The following ERO1A variants were observed in gnomAD, a reference collection of about 807,000 sequenced individuals.
The protein encoded by ERO1A is endoplasmic reticulum oxidoreductase 1 alpha.
In ERO1A, 49 loss-of-function variants were observed where a neutral mutation model predicts 76.9. That is an observed-to-expected ratio of 0.64 (90% confidence interval 0.51 to 0.81). The LOEUF (loss-of-function observed/expected upper bound fraction) is 0.81. Ranked by LOEUF, ERO1A falls within the 30% of genes least tolerant of loss-of-function variation. The pLI, the probability that ERO1A is intolerant of heterozygous loss-of-function variation, is 0.00. For missense variants in ERO1A, 448 were observed against 542.1 expected, an observed-to-expected ratio of 0.83 and a Z score of 1.72; for synonymous variants, 174 against 181.2, an observed-to-expected ratio of 0.96 and a Z score of 0.32.
intron 1 of ERO1A, among the ~76,000 whole-genome samples, 183 bp downstream of exon 1, chr14:52,695,185 T>C (rs1434919627): frequency 6.6e-6 from 1 of 152,096 alleles, no homozygotes; most frequent in African/African-American, 2.4e-5. Flanking sequence ...CAGGCTGCCG[T>C]GGAGGCCCGG....
intron 11 of ERO1A, 100 bp from the exon 12 acceptor site, chr14:52,653,415 C>T: frequency 3.3e-6 from 3 of 920,570 alleles, no homozygotes; most frequent in Non-Finnish European, 4.6e-6. Flanking sequence ...TTTCATTTTG[C>T]ATTTTAAGTT....
chr14:52,661,188 T>C (rs984571794), intron 9 of ERO1A, 105 bp downstream of exon 9: 11 of 415,228 alleles, frequency 2.6e-5, no homozygotes, highest in Non-Finnish European at 4.7e-5. Context: ...AAACTTAAGT[T>C]CTTCTGATTT....
chr14:52,653,243 T>A lies in ERO1A; in HGVS notation c.881A>T (p.Glu294Val), dbSNP rs781088934. ...CTTAAGCCTTCTTGGACCTTCTCCT[T>A]CAGTCAAAATTCCATCAAATCGCTG... is the stretch of plus-strand genomic sequence containing the variant. ...FQQRFDGILT[E>V]GEGPRRLKNL... The change falls in exon 12 of 16, where the codon GAA (glutamate) becomes GTA (valine). Residue 294 changes from glutamate to valine, a missense_variant. Coordinates refer to ENST00000395686, the MANE Select transcript of ERO1A (RefSeq NM_014584.3). The A allele has an allele frequency of 6.2e-7, 1 of 1,612,452 alleles. No individual in the cohort carries two copies. Among genetic ancestry groups the A allele is most frequent in the Non-Finnish European group, 8.5e-7 (1 of 1,178,844 alleles).
chr14:52,652,008 T>TA (rs1252096728), intron 13 of ERO1A, among the ~76,000 whole-genome samples: 104 of 150,178 alleles, frequency 6.9e-4, no homozygotes, highest in African/African-American at 2.4e-3. Flanking sequence ...TTTTTTTTTT[T>TA]AATTAAAGAC....
intron 8 of ERO1A, among the ~76,000 whole-genome samples, chr14:52,663,467 G>A (rs1205426365): frequency 6.6e-6 from 1 of 151,684 alleles, no homozygotes; most frequent in Non-Finnish European, 1.5e-5. Context: ...GGGCGTTGTG[G>A]CGGGCGCCTG....
intron 4 of ERO1A, among the ~76,000 whole-genome samples, chr14:52,675,104 C>A (rs1047173112): frequency 6.6e-6 from 1 of 152,014 alleles, no homozygotes; most frequent in East Asian, 1.9e-4. Context: ...GGAATCTAGG[C>A]CGGGCACGGT....
At chr14:52,660,714 G>A (rs1276378577) in intron 9 of ERO1A, among the ~76,000 whole-genome samples, 2 of 152,200 alleles carry the variant, frequency 1.3e-5, no homozygotes, top group African/African-American at 4.8e-5. Flanking sequence ...ATTTCACCTA[G>A]ATAGACTAAA....
chr14:52,666,560 A>T (rs1308806487), intron 6 of ERO1A, 65 bp from the exon 7 acceptor site: 1 of 1,388,968 alleles, frequency 7.2e-7, no homozygotes, highest in Non-Finnish European at 9.9e-7. Flanking sequence ...CTACTACACA[A>T]GACTGTATTC....
chr14:52,685,879 G>A (rs1365961873), intron 1 of ERO1A, among the ~76,000 whole-genome samples: 1 of 152,122 alleles, frequency 6.6e-6, no homozygotes, highest in Non-Finnish European at 1.5e-5. Context: ...GCCCACTAAA[G>A]TATAAAATCC....
chr14:52,668,333 G>A (rs1469799080), intron 6 of ERO1A, among the ~76,000 whole-genome samples: 1 of 151,978 alleles, frequency 6.6e-6, no homozygotes, highest in Admixed American at 6.6e-5. Context: ...ATCACATGAA[G>A]TCAGGAGTTC....
intron 11 of ERO1A, among the ~76,000 whole-genome samples, chr14:52,656,224 A>G (rs1018678504): frequency 6.6e-6 from 1 of 152,170 alleles, no homozygotes; most frequent in Non-Finnish European, 1.5e-5. Context: ...TCCCTTTGTA[A>G]GTGAAATCAT....
intron 13 of ERO1A, among the ~76,000 whole-genome samples, chr14:52,650,411 A>G (rs1294469308): frequency 1.3e-5 from 2 of 151,650 alleles, no homozygotes; most frequent in Non-Finnish European, 2.9e-5. Flanking sequence ...CCTGTTCAGT[A>G]AGAGGTACTA....
At chr14:52,659,611 T>C (rs766855784) in intron 9 of ERO1A, among the ~76,000 whole-genome samples, 30 of 152,066 alleles carry the variant, frequency 2.0e-4, no homozygotes, top group Non-Finnish European at 4.1e-4. Flanking sequence ...TATTTGTAAA[T>C]TGCTTAGAAA....
intron 9 of ERO1A, 72 bp from the exon 10 acceptor site, chr14:52,658,222 GC>G: frequency 9.5e-7 from 1 of 1,057,940 alleles, no homozygotes; most frequent in Non-Finnish European, 1.4e-6. Context: ...AAGTTTTAAA[GC>G]ATTATAGCAA....
intron 11 of ERO1A, among the ~76,000 whole-genome samples, chr14:52,656,481 C>T (rs181471316): frequency 3.4e-4 from 51 of 152,078 alleles, no homozygotes; most frequent in African/African-American, 1.2e-3. Flanking sequence ...GAGGCCAAGG[C>T]GGGTGGATCA....
At chr14:52,658,366 T>TAAA in intron 9 of ERO1A, 3 of 500,198 alleles carry the variant, frequency 6.0e-6, no homozygotes, top group Non-Finnish European at 1.1e-5. Context: ...TAAAAGGCTT[T>TAAA]AGCATTGCCT....
At chr14:52,665,539 T>C (rs2040385347) in intron 7 of ERO1A, among the ~76,000 whole-genome samples, 1 of 151,986 alleles carries the variant, frequency 6.6e-6, no homozygotes, top group South Asian at 2.1e-4. Context: ...AAGTGAAATA[T>C]ATAATATTAT....
At position 52,640,042 on chromosome 14, in the gene ERO1A, A is replaced by G. The variant is rs2039420524; in HGVS notation, c.*3528T>C. 2.0e-5 allele frequency: 3 copies of G among 152,240 alleles called. No individual in the cohort carries two copies. In the South Asian group the frequency reaches 6.2e-4, roughly 31 times the overall value. The allele number at this position is 152,240 out of a possible 1,614,324, so 9.4% of individuals were successfully genotyped here. A position where few individuals can be genotyped will look rare whatever the true frequency, so the allele number is the denominator to read the frequency against. On this transcript the variant is annotated 3_prime_UTR_variant, in exon 16 of 16. Transcript: ENST00000395686. ...AGGTAGGACCTCTAATATAATAAAG[A>G]TGTCACTTTAAAATCAATTTATTCA...
chr14:52,641,458 A>AAT lies in ERO1A; in HGVS notation c.*2111_*2112insAT, dbSNP rs1374243303. 6.6e-6 allele frequency: 1 copy of AAT among 151,726 alleles called. No homozygotes were observed. The highest frequency in any genetic ancestry group is 1.5e-5 in the Non-Finnish European group (1 of 68,224). The allele number at this position is 151,726 out of a possible 1,614,324, so 9.4% of individuals were successfully genotyped here. On this transcript the variant is annotated 3_prime_UTR_variant, in exon 16 of 16. Transcript: ENST00000395686. The stretch of plus-strand genomic sequence containing the variant: ...CTACTAAAAATACAAAAAAAAAAAA[A>AAT]AAAAAATTAGCCGGGCGTGGTGGCG...
Sources: gnomAD v4.1 joint callset for allele counts (sites outside exome capture counted in the v4.1 genomes callset) on GRCh38, gnomAD v4.1.1 for gene constraint, MANE v1.5 for transcripts, NCBI Gene and HGNC (gene_info 2026-07-23, HGNC 2026-07-21) for gene names.